The following KCNQ2 variants were observed in gnomAD, a reference collection of about 807,000 sequenced individuals.
KCNQ2 encodes potassium voltage-gated channel subfamily Q member 2.
Under a neutral mutation model 84.8 loss-of-function variants are expected in KCNQ2, and 14 were observed. The observed-to-expected ratio is 0.17, with a 90% CI of 0.11 to 0.26. The LOEUF is 0.26. KCNQ2 is among the 10% of genes least tolerant of loss of function. The pLI, the probability that KCNQ2 is intolerant of heterozygous loss-of-function variation, is 1.00. For missense variants in KCNQ2, 788 were observed against 1,254.0 expected (o/e 0.63, Z 5.61); for synonymous variants, 599 against 554.1 (o/e 1.08, Z -1.14).
intron 10 of KCNQ2, among the ~76,000 whole-genome samples, chr20:63,426,138 G>C (rs559813448): frequency 1.3e-5 from 2 of 152,338 alleles, no homozygotes; most frequent in South Asian, 2.1e-4. Context: ...CCCGAAGTTC[G>C]ATGCCCTCTT....
chr20:63,438,119 G>GT lies in KCNQ2; in HGVS notation c.1023+505dup, dbSNP rs2081059377. 5.5e-6 allele frequency: 1 copy of GT among 180,690 alleles called. No individual in the cohort carries two copies. The highest frequency in any genetic ancestry group is 1.2e-4 in the South Asian group (1 of 8,206). The allele number at this position is 180,690 out of a possible 1,614,324, so 11.2% of individuals were successfully genotyped here. A position where few individuals can be genotyped will look rare whatever the true frequency, so the allele number is the denominator to read the frequency against. The stretch of plus-strand genomic sequence containing the variant: ...CACTGTGCCCGGCCATTGTCTGTCC[G>GT]TATTTTCAAGGTGGCTCAGGAATTA... On this transcript the variant is annotated intron_variant, in intron 7 of 16. Coordinates refer to ENST00000359125, the MANE Select transcript of KCNQ2 (RefSeq NM_172107.4). This position sits in a 1 kb window ranked among gnomAD's most constrained non-coding sequence, Gnocchi z 5.1.
At position 63,443,252 on chromosome 20, in the gene KCNQ2, ACCATCG is replaced by A. The variant is rs1283013467; in HGVS notation, c.691-727_691-722del. Among the ~76,000 whole-genome samples the A allele has an allele frequency of 9.6e-4, 73 of 76,400 alleles. 1 individual carries two copies. Among genetic ancestry groups the A allele is most frequent in the African/African-American group, 2.9e-3 (52 of 17,832 alleles). The allele number at this position is 76,400 out of a possible 152,430, so 50.1% of individuals were successfully genotyped here. A position where few individuals can be genotyped will look rare whatever the true frequency, so the allele number is the denominator to read the frequency against. ...CCATCACCATCACCACCATCACATC[ACCATCG>A]CCACCATCATCACCACCATCACCAT... On this transcript the variant is annotated intron_variant, in intron 4 of 16. Coordinates refer to ENST00000359125, the MANE Select transcript of KCNQ2 (RefSeq NM_172107.4).
Position 63,446,618 on chromosome 20 carries a change from C to T in KCNQ2, c.387+129G>A. 2.5e-6 allele frequency: 2 copies of T among 788,472 alleles called. No homozygotes were observed. The highest frequency in any genetic ancestry group is 2.6e-5 in the East Asian group (1 of 37,792). The allele number at this position is 788,472 out of a possible 1,614,324, so 48.8% of individuals were successfully genotyped here. On this transcript the variant is annotated intron_variant, in intron 2 of 16. Coordinates refer to ENST00000359125, the MANE Select transcript of KCNQ2 (RefSeq NM_172107.4). The surrounding 1 kb of genome is among the most constrained non-coding windows in gnomAD (Gnocchi z 5.5). ...GGGGCAGATGGGAACTGACAGGGCA[C>T]AAAGACATGGCCAGAGCTGGGGCTG... is the stretch of plus-strand genomic sequence containing the variant.
At chr20:63,445,726 G>GCCCCGTCTGAGCTGGGAGA in intron 2 of KCNQ2, 1 of 220,374 alleles carries the variant, frequency 4.5e-6, no homozygotes, top group Non-Finnish European at 8.2e-6. Flanking sequence ...GAGCTGGGAG[G>GCCCCGTCTGAGCTGGGAGA]CCCTGTCTGA....
Position 63,460,989 on chromosome 20 carries a change from G to A in KCNQ2, c.296+11179C>T, listed in dbSNP as rs6122454. ...GACAGTATGCCGTTAACACCACAGC[G>A]GGACGGGACCGCCTGAATCCTATTC... On this transcript the variant is annotated intron_variant, in intron 1 of 16. Coordinates refer to ENST00000359125, the MANE Select transcript of KCNQ2 (RefSeq NM_172107.4). This position sits in a 1 kb window ranked among gnomAD's most constrained non-coding sequence, Gnocchi z 5.4. 0.089 allele frequency: 13,594 copies of A among 152,286 alleles called. 1,130 individuals are homozygous for A. Among genetic ancestry groups the A allele is most frequent in the East Asian group, 0.46 (2,388 of 5,172 alleles). 9.4% of individuals were successfully genotyped at this position (152,286 alleles called of 1,614,324 possible).
intron 1 of KCNQ2, among the ~76,000 whole-genome samples, chr20:63,468,926 GT>G (rs2082144415): frequency 6.6e-6 from 1 of 152,336 alleles, no homozygotes; most frequent in African/African-American, 2.4e-5. Flanking sequence ...CTCTGCCTCA[GT>G]TTCCCCATCC....
intron 1 of KCNQ2, among the ~76,000 whole-genome samples, chr20:63,451,154 GAAAC>G (rs998011912): frequency 4.9e-5 from 7 of 143,590 alleles, no homozygotes; most frequent in African/African-American, 7.7e-5. Context: ...AAAAAAAAAA[GAAAC>G]AAACAAACAA....
At chr20:63,433,771 G>C (rs747650079) in intron 8 of KCNQ2, 38 bp downstream of exon 8, 1 of 1,613,670 alleles carries the variant, frequency 6.2e-7, no homozygotes, top group Non-Finnish European at 8.5e-7. Context: ...AATAAAAAAT[G>C]AAACAGTTGC....
chr20:63,423,872 C>T (rs1380270034), intron 11 of KCNQ2: 9 of 504,312 alleles, frequency 1.8e-5, no homozygotes, highest in Admixed American at 3.5e-5. Context: ...CCCCTGCCTC[C>T]GAGAACCCTG....
intron 1 of KCNQ2, among the ~76,000 whole-genome samples, chr20:63,455,364 C>T (rs1568960939): frequency 6.6e-6 from 1 of 152,108 alleles, no homozygotes; most frequent in Non-Finnish European, 1.5e-5. Flanking sequence ...AGCCCTGGCA[C>T]CCACCACTGA....
intron 4 of KCNQ2, 75 bp downstream of exon 4, chr20:63,444,584 G>T: frequency 1.5e-6 from 2 of 1,315,892 alleles, no homozygotes; most frequent in Non-Finnish European, 2.0e-6. Flanking sequence ...ACCCCAGGCA[G>T]GGGTGGGGCC....
intron 10 of KCNQ2, among the ~76,000 whole-genome samples, chr20:63,427,608 G>T (rs546351509): frequency 1.3e-5 from 2 of 152,226 alleles, no homozygotes; most frequent in Non-Finnish European, 2.9e-5. Flanking sequence ...TGTGGCTCCA[G>T]GCAGCCCTTG....
intron 7 of KCNQ2, among the ~76,000 whole-genome samples, chr20:63,436,031 T>C (rs998503502): frequency 2.0e-5 from 3 of 151,642 alleles, no homozygotes; most frequent in Non-Finnish European, 4.4e-5. Flanking sequence ...GGCAAAGATG[T>C]TGTGAACTGT....
At chr20:63,440,648 G>A (rs1164691032) in intron 5 of KCNQ2, among the ~76,000 whole-genome samples, 2 of 152,184 alleles carry the variant, frequency 1.3e-5, no homozygotes, top group Non-Finnish European at 2.9e-5. Context: ...CTCTCACCAG[G>A]ACCTGCAGCC....
At chr20:63,469,776 G>A (rs1264440241) in intron 1 of KCNQ2, among the ~76,000 whole-genome samples, 1 of 152,230 alleles carries the variant, frequency 6.6e-6, no homozygotes, top group African/African-American at 2.4e-5. Flanking sequence ...ACCAAATGCT[G>A]CCTAACACGC....
In KCNQ2 at chr20:63,446,383, C is replaced by T. The variant is rs1282479448; in HGVS notation, c.387+364G>A. Among the ~76,000 whole-genome samples, 1 of 152,236 alleles carries T rather than the reference C, an allele frequency of 6.6e-6. No homozygotes were observed. Among genetic ancestry groups the T allele is most frequent in the Non-Finnish European group, 1.5e-5 (1 of 68,036 alleles). ...GGGTTGCTGCAAGCGTCACAGCCCC[C>T]ACCCCGACGCCCACGTCTGCCGTCT... On this transcript the variant is annotated intron_variant, in intron 2 of 16. Transcript: ENST00000359125. This position sits in a 1 kb window ranked among gnomAD's most constrained non-coding sequence, Gnocchi z 5.5.
In KCNQ2 at chr20:63,438,564, C is replaced by G; in HGVS notation, c.1023+61G>C. 1 of 1,453,452 alleles carries G rather than the reference C, an allele frequency of 6.9e-7. No homozygotes were observed. Among genetic ancestry groups the G allele is most frequent in the Non-Finnish European group, 9.7e-7 (1 of 1,035,932 alleles). The allele number at this position is 1,453,452 out of a possible 1,614,324, so 90.0% of individuals were successfully genotyped here. On this transcript the variant is annotated intron_variant, in intron 7 of 16. Transcript: ENST00000359125. This position sits in a 1 kb window ranked among gnomAD's most constrained non-coding sequence, Gnocchi z 5.1. ...TGCCAAAGCCCCAGCGGCCTCCACTCCTCAACAAGGTGGGACCAGGACAAG... is the reference window on the plus strand; with the variant it reads ...TGCCAAAGCCCCAGCGGCCTCCACTGCTCAACAAGGTGGGACCAGGACAAG...
chr20:63,417,236 G>A (rs534523230), intron 12 of KCNQ2, among the ~76,000 whole-genome samples: 7 of 152,328 alleles, frequency 4.6e-5, no homozygotes, highest in South Asian at 2.1e-4. Flanking sequence ...AGAACCGGAC[G>A]GGGGCCAGGG....
intron 5 of KCNQ2, chr20:63,439,911 G>T (rs909245580): frequency 3.2e-6 from 2 of 632,480 alleles, no homozygotes; most frequent in East Asian, 2.7e-5. Flanking sequence ...TCCCCTACAG[G>T]CCAGAAGCGG....
Sources: gnomAD v4.1 joint callset for allele counts (sites outside exome capture counted in the v4.1 genomes callset) on GRCh38, gnomAD v4.1.1 for gene constraint, Gnocchi (gnomAD v3.1) non-coding constraint, MANE v1.5 for transcripts, NCBI Gene and HGNC (gene_info 2026-07-23, HGNC 2026-07-21) for gene names.